The following FBLN1 variants were observed in gnomAD, a reference collection of about 807,000 sequenced individuals.
The protein encoded by FBLN1 is fibulin 1.
In FBLN1, 34 loss-of-function variants were observed where a neutral mutation model predicts 89.7. The observed-to-expected ratio is 0.38, with a 90% CI of 0.29 to 0.50. FBLN1 has a LOEUF of 0.50. FBLN1 is among the 20% of genes least tolerant of loss of function. FBLN1 has a pLI of 0.92. For missense variants in FBLN1, 777 were observed against 988.1 expected (o/e 0.79, Z 2.86); for synonymous variants, 393 against 391.3 (o/e 1.00, Z -0.05).
At chr22:45,538,419 C>A (rs2088510839) in intron 8 of FBLN1, among the ~76,000 whole-genome samples, 1 of 152,256 alleles carries the variant, frequency 6.6e-6, no homozygotes, top group Non-Finnish European at 1.5e-5. Flanking sequence ...TGGCAGGGTC[C>A]ATGAGCCCTT....
At chr22:45,587,138 A>G (rs2089094254) in intron 16 of FBLN1, among the ~76,000 whole-genome samples, 1 of 152,096 alleles carries the variant, frequency 6.6e-6, no homozygotes. Flanking sequence ...GCATCATGGC[A>G]AAATGTGCCT....
Position 45,578,754 on chromosome 22 carries a change from C to G in FBLN1, c.1972+1646C>G, listed in dbSNP as rs958654976. On this transcript the variant is annotated intron_variant, in intron 16 of 16. Coordinates refer to ENST00000327858, the MANE Select transcript of FBLN1 (RefSeq NM_006486.3). The surrounding 1 kb of genome is among the most constrained non-coding windows in gnomAD (Gnocchi z 4.6). ...CCTGCAGTTGTGGCTGGGACATGGC[C>G]CTCAGGTGATTTCTAGATCTTGGAA... is the stretch of plus-strand genomic sequence containing the variant. Among the ~76,000 whole-genome samples the G allele has an allele frequency of 6.6e-6, 1 of 152,212 alleles. No homozygotes were observed. Among genetic ancestry groups the G allele is most frequent in the Non-Finnish European group, 1.5e-5 (1 of 68,034 alleles).
rs1383089484 is a variant in FBLN1 at position 45,530,500 on chromosome 22, T to G, written c.485-765T>G. 6.6e-6 allele frequency among the ~76,000 whole-genome samples: 1 copy of G among 151,924 alleles called. No homozygotes were observed. Among genetic ancestry groups the G allele is most frequent in the Non-Finnish European group, 1.5e-5 (1 of 67,966 alleles). ...TGTTTCCTGGGGGCCATGCAGAAGG[T>G]CCCCAGACCAGTGCTGGCCTGCGAC... On this transcript the variant is annotated intron_variant, in intron 4 of 16. Transcript: ENST00000327858. The surrounding 1 kb of genome is among the most constrained non-coding windows in gnomAD (Gnocchi z 5.4).
chr22:45,568,099 G>T (rs2088914152), intron 14 of FBLN1, among the ~76,000 whole-genome samples: 1 of 152,190 alleles, frequency 6.6e-6, no homozygotes, highest in Non-Finnish European at 1.5e-5. Context: ...TAGAGACTGT[G>T]GGAAGAGAAG....
intron 14 of FBLN1, among the ~76,000 whole-genome samples, chr22:45,570,091 A>C (rs2088938082): frequency 6.6e-6 from 1 of 152,092 alleles, no homozygotes. Flanking sequence ...AGGCTGAGGC[A>C]GGTGGATCAC....
intron 1 of FBLN1, among the ~76,000 whole-genome samples, chr22:45,516,861 C>T (rs147009158): frequency 9.2e-5 from 14 of 152,326 alleles, no homozygotes; most frequent in Middle Eastern, 3.4e-3. Flanking sequence ...GAAGTTGTCA[C>T]TGGGGGACAT....
intron 16 of FBLN1, among the ~76,000 whole-genome samples, chr22:45,599,407 G>A (rs755990181): frequency 6.6e-6 from 1 of 152,206 alleles, no homozygotes; most frequent in South Asian, 2.1e-4. Context: ...GGCATGCACA[G>A]CAAGGGGTCC....
At chr22:45,593,715 G>C (rs1337175428) in intron 16 of FBLN1, among the ~76,000 whole-genome samples, 4 of 152,194 alleles carry the variant, frequency 2.6e-5, no homozygotes, top group African/African-American at 9.7e-5. Context: ...GGAGCCTTCA[G>C]TGGCTCCCCT....
At chr22:45,539,900 C>T (rs543017928) in intron 8 of FBLN1, among the ~76,000 whole-genome samples, 3 of 152,302 alleles carry the variant, frequency 2.0e-5, no homozygotes, top group East Asian at 3.9e-4. Context: ...AGGCAGCCAC[C>T]GCTCTGCTAA....
At chr22:45,535,773 G>A (rs1034525741) in intron 8 of FBLN1, among the ~76,000 whole-genome samples, 1 of 152,208 alleles carries the variant, frequency 6.6e-6, no homozygotes, top group Non-Finnish European at 1.5e-5. Flanking sequence ...CATAATACCT[G>A]GCTTAGAGAC....
At position 45,537,420 on chromosome 22, in the gene FBLN1, A is replaced by T. The variant is rs1602187229; in HGVS notation, c.922+2083A>T. 4.6e-5 allele frequency among the ~76,000 whole-genome samples: 7 copies of T among 152,080 alleles called. No homozygotes were observed. The highest frequency in any genetic ancestry group is 2.0e-4 in the Admixed American group (3 of 15,270). ...GATCACTTGAGGTCAGGAGTTCGAG[A>T]CCAGCCTGACCAATATGGTGAAACC... On this transcript the variant is annotated intron_variant, in intron 8 of 16. Transcript: ENST00000327858. This position sits in a 1 kb window ranked among gnomAD's most constrained non-coding sequence, Gnocchi z 5.7.
At chr22:45,515,761 C>T (rs1246949742) in intron 1 of FBLN1, among the ~76,000 whole-genome samples, 1 of 152,242 alleles carries the variant, frequency 6.6e-6, no homozygotes, top group African/African-American at 2.4e-5. Flanking sequence ...AAGTGCATCC[C>T]TCTTCTCAGC....
At position 45,561,712 on chromosome 22, in the gene FBLN1, G is replaced by C. The variant is rs183227295; in HGVS notation, c.1697+11097G>C. 4.0e-4 allele frequency among the ~76,000 whole-genome samples: 61 copies of C among 152,278 alleles called. No homozygotes were observed. Among genetic ancestry groups the C allele is most frequent in the African/African-American group, 5.3e-4 (22 of 41,564 alleles). ...GTAGTTAGGGTTCTCTAGAGGGACAGAACTAACGGAATACATATGTATAAT... is the reference window on the plus strand; with the variant it reads ...GTAGTTAGGGTTCTCTAGAGGGACACAACTAACGGAATACATATGTATAAT... On this transcript the variant is annotated intron_variant, in intron 14 of 16. Transcript: ENST00000327858. The surrounding 1 kb of genome is among the most constrained non-coding windows in gnomAD (Gnocchi z 4.7).
rs773676041 is a variant in FBLN1 at position 45,576,939 on chromosome 22, G to T, written c.1841-38G>T. ...GAGGCTGGGACTGGGGCTGGGGCCAGGCTGTGCTGAGCCCTTCTCCATTCT... is the reference window on the plus strand; with the variant it reads ...GAGGCTGGGACTGGGGCTGGGGCCATGCTGTGCTGAGCCCTTCTCCATTCT... On this transcript the variant is annotated intron_variant, in intron 15 of 16. Transcript: ENST00000327858. The surrounding 1 kb of genome is among the most constrained non-coding windows in gnomAD (Gnocchi z 5.2). 6 of 1,612,016 alleles carry T rather than the reference G, an allele frequency of 3.7e-6. No individual in the cohort carries two copies. Among genetic ancestry groups the T allele is most frequent in the Non-Finnish European group, 5.1e-6 (6 of 1,179,910 alleles).
At chr22:45,515,700 A>G (rs1352765287) in intron 1 of FBLN1, among the ~76,000 whole-genome samples, 1 of 152,188 alleles carries the variant, frequency 6.6e-6, no homozygotes, top group African/African-American at 2.4e-5. Context: ...CGACGGTTTA[A>G]TCCTCCAGCG....
rs1362743139 is a variant in FBLN1 at position 45,556,387 on chromosome 22, CCTT to C, written c.1697+5778_1697+5780del. Among the ~76,000 whole-genome samples, 8 of 152,186 alleles carry C rather than the reference CCTT, an allele frequency of 5.3e-5. No individual in the cohort carries two copies. The highest frequency in any genetic ancestry group is 9.7e-5 in the African/African-American group (4 of 41,444). ...GGCTCGTAGCTGGTATTGATGACTG[CCTT>C]CTTCTACTACCCATTCTGTATTCCC... On this transcript the variant is annotated intron_variant, in intron 14 of 16. Transcript: ENST00000327858. The surrounding 1 kb of genome is among the most constrained non-coding windows in gnomAD (Gnocchi z 4.6).
intron 1 of FBLN1, among the ~76,000 whole-genome samples, chr22:45,507,227 G>A (rs1299504480): frequency 6.6e-6 from 1 of 152,182 alleles, no homozygotes; most frequent in Non-Finnish European, 1.5e-5. Context: ...TAGAGGCTGG[G>A]GTGGGAGGGA....
rs1309521455 is a variant in FBLN1, at chr22:45,575,883, C to T, written c.1841-1094C>T. Among the ~76,000 whole-genome samples, 1 of 152,184 alleles carries T rather than the reference C, an allele frequency of 6.6e-6. No individual in the cohort carries two copies. Among genetic ancestry groups the T allele is most frequent in the Non-Finnish European group, 1.5e-5 (1 of 68,022 alleles). On this transcript the variant is annotated intron_variant, in intron 15 of 16. Coordinates refer to ENST00000327858, the MANE Select transcript of FBLN1 (RefSeq NM_006486.3). This position sits in a 1 kb window ranked among gnomAD's most constrained non-coding sequence, Gnocchi z 6.3. ...TATCCCTGGCCTGCGGAGAAGCATG[C>T]CATGATGAGTTCATTCAGCAGCCGT...
intron 1 of FBLN1, among the ~76,000 whole-genome samples, chr22:45,510,532 T>C (rs2088085415): frequency 6.6e-6 from 1 of 152,108 alleles, no homozygotes; most frequent in South Asian, 2.1e-4. Flanking sequence ...GACAGTCTGC[T>C]TGCTCAGCAA....
Sources: allele counts gnomAD v4.1 joint callset (sites outside exome capture counted in the v4.1 genomes callset), GRCh38; gene constraint gnomAD v4.1.1; non-coding constraint Gnocchi (gnomAD v3.1); transcripts MANE v1.5; gene names NCBI Gene and HGNC (gene_info 2026-07-23, HGNC 2026-07-21).